The following RPRD1A variants were observed in gnomAD, a reference collection of about 807,000 sequenced individuals.
The protein encoded by RPRD1A is regulation of nuclear pre-mRNA domain-containing protein 1A.
In RPRD1A, 9 loss-of-function variants were observed where a neutral mutation model predicts 37.8. The observed-to-expected ratio is 0.24, with a 90% confidence interval of 0.14 to 0.42. RPRD1A has a LOEUF of 0.42. Among genes scored for constraint, RPRD1A ranks in the 10% least tolerant of loss-of-function variants. The probability of loss-of-function intolerance (pLI) is 1.00; values close to 1 mark genes in which losing one functional copy is unlikely to be tolerated. For missense variants in RPRD1A, 255 were observed against 371.0 expected (o/e 0.69, Z 2.57); for synonymous variants, 138 against 139.7 (o/e 0.99, Z 0.08).
intron 1 of RPRD1A, among the ~76,000 whole-genome samples, chr18:36,044,589 G>A (rs1370322698): frequency 6.6e-6 from 1 of 152,062 alleles, no homozygotes; most frequent in Non-Finnish European, 1.5e-5. Flanking sequence ...TCAGGAGGCT[G>A]AGGCACAAGA....
chr18:36,041,357 T>TC (rs927626963), intron 1 of RPRD1A, among the ~76,000 whole-genome samples: 3 of 152,170 alleles, frequency 2.0e-5, no homozygotes, highest in African/African-American at 7.2e-5. Context: ...CCTCATGCTA[T>TC]CTTAAGTCCT....
intron 6 of RPRD1A, among the ~76,000 whole-genome samples, chr18:36,019,957 T>A (rs1218462118): frequency 1.3e-5 from 2 of 152,092 alleles, no homozygotes; most frequent in African/African-American, 4.8e-5. Context: ...GGAGAACTGC[T>A]TGAACCCAGG....
intron 6 of RPRD1A, among the ~76,000 whole-genome samples, chr18:36,020,092 G>T (rs1436503104): frequency 1.3e-5 from 2 of 152,176 alleles, no homozygotes; most frequent in African/African-American, 4.8e-5. Flanking sequence ...GTTGGAAGAT[G>T]AGGACAGCTG....
At chr18:36,050,850 TTTC>T (rs1913334678) in intron 1 of RPRD1A, among the ~76,000 whole-genome samples, 1 of 141,352 alleles carries the variant, frequency 7.1e-6, no homozygotes, top group African/African-American at 3.1e-5. Context: ...AGAATCAATT[TTTC>T]TTTTCTTTTC....
At chr18:36,066,713 G>T (rs1049320161) in intron 1 of RPRD1A, among the ~76,000 whole-genome samples, 3 of 152,224 alleles carry the variant, frequency 2.0e-5, no homozygotes, top group East Asian at 1.9e-4. Context: ...CTGCAACGCA[G>T]AAGTTATAAG....
intron 6 of RPRD1A, among the ~76,000 whole-genome samples, chr18:35,998,096 C>T (rs1433434576): frequency 1.3e-5 from 2 of 152,222 alleles, no homozygotes; most frequent in East Asian, 1.9e-4. Context: ...CAGTGGCTCA[C>T]GCCTGTAATC....
At chr18:36,058,395 T>A in intron 1 of RPRD1A, among the ~76,000 whole-genome samples, 1 of 152,178 alleles carries the variant, frequency 6.6e-6, no homozygotes, top group East Asian at 1.9e-4. Flanking sequence ...AATGAAAAAT[T>A]TATTTTATCA....
chr18:36,034,605 CTTA>C (rs530136124), intron 1 of RPRD1A, among the ~76,000 whole-genome samples: 27 of 152,154 alleles, frequency 1.8e-4, no homozygotes, highest in African/African-American at 6.5e-4. Flanking sequence ...TTATACTATT[CTTA>C]TATTTTACTA....
chr18:36,015,911 T>G (rs911727343), intron 6 of RPRD1A, among the ~76,000 whole-genome samples: 2 of 152,198 alleles, frequency 1.3e-5, no homozygotes, highest in Non-Finnish European at 2.9e-5. Flanking sequence ...TAGTTAACAC[T>G]AGTGACCTAT....
intron 6 of RPRD1A, among the ~76,000 whole-genome samples, chr18:36,015,017 C>A (rs1910417788): frequency 6.6e-6 from 1 of 151,826 alleles, no homozygotes; most frequent in Non-Finnish European, 1.5e-5. Flanking sequence ...TGTTGTAGCA[C>A]TATGGAAACC....
chr18:36,029,363 T>C lies in RPRD1A; in HGVS notation c.486+1445A>G, dbSNP rs116048224. Among the ~76,000 whole-genome samples, 1,483 of 152,256 alleles carry C rather than the reference T, an allele frequency of 9.7e-3. 25 individuals carry two copies. The highest frequency in any genetic ancestry group is 0.034 in the African/African-American group (1,408 of 41,532). On this transcript the variant is annotated intron_variant, in intron 4 of 6. Transcript: ENST00000399022. ...TCTAACTCCCACGGAGCACTGTGAG[T>C]TCCTGTTGCCCTTGTGAGTTCCTGT...
At chr18:35,998,659 T>C (rs566936055) in intron 6 of RPRD1A, among the ~76,000 whole-genome samples, 1 of 152,296 alleles carries the variant, frequency 6.6e-6, no homozygotes, top group South Asian at 2.1e-4. Flanking sequence ...ACTGATCATA[T>C]CCAAGCCCCT....
chr18:36,050,814 G>T (rs934894655), intron 1 of RPRD1A, among the ~76,000 whole-genome samples: 1 of 151,046 alleles, frequency 6.6e-6, no homozygotes, highest in African/African-American at 2.4e-5. Flanking sequence ...AAAAGTGTTG[G>T]GATTACAGGT....
At chr18:36,047,663 C>T (rs1026648647) in intron 1 of RPRD1A, among the ~76,000 whole-genome samples, 5 of 152,066 alleles carry the variant, frequency 3.3e-5, no homozygotes, top group African/African-American at 1.2e-4. Context: ...ACCCTACAGG[C>T]ATCCAAAGGA....
chr18:35,997,279 C>T (rs551775404), intron 6 of RPRD1A, among the ~76,000 whole-genome samples: 1 of 152,142 alleles, frequency 6.6e-6, no homozygotes, highest in African/African-American at 2.4e-5. Flanking sequence ...CATATCTCAA[C>T]TTTCACTACT....
Position 35,998,477 on chromosome 18 carries a change from ACTT to A in RPRD1A, c.790-5180_790-5178del, listed in dbSNP as rs995160796. Among the ~76,000 whole-genome samples the A allele has an allele frequency of 7.9e-5, 12 of 152,130 alleles. No homozygotes were observed. The South Asian group carries it at 8.3e-4, about 11-fold the overall frequency. ...TTACTCTGTTGACCGAAGCCACTTTACTTCTTCTCCTCCGTTTTCCTCATTCAA... is the reference window on the plus strand; with the variant it reads ...TTACTCTGTTGACCGAAGCCACTTTACTTCTCCTCCGTTTTCCTCATTCAA... On this transcript the variant is annotated intron_variant, in intron 6 of 6. Coordinates refer to ENST00000399022, the MANE Select transcript of RPRD1A (RefSeq NM_018170.5).
chr18:36,039,860 G>A (rs935072175), intron 1 of RPRD1A, among the ~76,000 whole-genome samples: 5 of 89,698 alleles, frequency 5.6e-5, no homozygotes, highest in South Asian at 7.2e-4. Context: ...ACACACACAC[G>A]CATGCACACA....
intron 6 of RPRD1A, among the ~76,000 whole-genome samples, chr18:36,003,444 T>A (rs1269522425): frequency 6.6e-6 from 1 of 152,214 alleles, no homozygotes; most frequent in Non-Finnish European, 1.5e-5. Flanking sequence ...ACTAGAAATG[T>A]TTAGGCAAAG....
chr18:36,039,887 C>A (rs897562828), intron 1 of RPRD1A, among the ~76,000 whole-genome samples: 1 of 139,624 alleles, frequency 7.2e-6, no homozygotes, highest in African/African-American at 2.8e-5. Flanking sequence ...TATACACACA[C>A]ACAAACAGAA....
Sources: gnomAD v4.1 joint callset for allele counts (sites outside exome capture counted in the v4.1 genomes callset) on GRCh38, gnomAD v4.1.1 for gene constraint, MANE v1.5 for transcripts, NCBI Gene and HGNC (gene_info 2026-07-23, HGNC 2026-07-21) for gene names.